Variants in MUC5AC observed in about 807,000 individuals in gnomAD.
MUC5AC encodes the protein mucin-5AC.
In MUC5AC, 158 loss-of-function variants were observed where a neutral mutation model predicts 169.7. The ratio of observed to expected loss-of-function variants is 0.93; its 90% CI spans 0.82 to 1.06. The LOEUF is 1.06. MUC5AC is among the 50% of genes least tolerant of loss of function. The pLI is 0.00. For synonymous variants in MUC5AC, 1,975 were observed against 1,237.0 expected (o/e 1.60, Z -12.52); for missense variants, 4,359 against 3,089.9 (o/e 1.41, Z -9.74).
chr11:1,175,508 C>T (rs1860648260), intron 19 of MUC5AC, among the ~76,000 whole-genome samples: 1 of 151,112 alleles, frequency 6.6e-6, no homozygotes, highest in African/African-American at 2.4e-5. Context: ...CCCACTCATG[C>T]ACACGCTGAC....
At position 1,167,993 on chromosome 11, in the gene MUC5AC, T is replaced by TG. The variant is rs1372992921; in HGVS notation, c.1497+8dup. 6 of 1,549,340 alleles carry TG rather than the reference T, an allele frequency of 3.9e-6. No homozygotes were observed. In the African/African-American group the frequency reaches 8.2e-5, roughly 21 times the overall value. ...GCCTGGATGGGGCGCAGACGGTGAG[T>TG]GGAGCCTGGCAGGGCAAACCCCGGG... On this transcript the variant is annotated splice_region_variant and intron_variant, in intron 12 of 48. Transcript: ENST00000621226.
At chr11:1,171,473 TCACC>T (rs1860532100) in intron 15 of MUC5AC, among the ~76,000 whole-genome samples, 48 of 55,380 alleles carry the variant, frequency 8.7e-4, no homozygotes, top group African/African-American at 3.3e-3. Flanking sequence ...ACCCCCTCAC[TCACC>T]CACTCACCCA....
chr11:1,199,973 C>T lies in MUC5AC; in HGVS notation c.16700+4C>T, dbSNP rs571500092. On this transcript the variant is annotated splice_donor_region_variant and intron_variant, in intron 48 of 48. Transcript: ENST00000621226. ...ACTGTGGGGACAGCTCTTCCATGTA[C>T]GTGCCTGGGCAGCAGGCAGGGAGAC... The T allele has an allele frequency of 1.5e-5, 11 of 757,926 alleles. No homozygotes were observed. Among genetic ancestry groups the T allele is most frequent in the Non-Finnish European group, 1.9e-5 (8 of 414,840 alleles). The allele number at this position is 757,926 out of a possible 1,614,324, so 47.0% of individuals were successfully genotyped here. A position where few individuals can be genotyped will look rare whatever the true frequency, so the allele number is the denominator to read the frequency against.
At position 1,196,375 on chromosome 11, in the gene MUC5AC, C is replaced by T. The variant is rs753141514; in HGVS notation, c.15638-13C>T. ...CCTCCCACCCTCTCAGGTGTGGCTT[C>T]CCCTCCCCACAGCATTCACCTGCCC... On this transcript the variant is annotated splice_polypyrimidine_tract_variant and intron_variant, in intron 37 of 48. Transcript: ENST00000621226. The T allele has an allele frequency of 2.3e-4, 177 of 763,990 alleles. No homozygotes were observed. Among genetic ancestry groups the T allele is most frequent in the Middle Eastern group, 2.3e-4 (1 of 4,430 alleles). The allele number at this position is 763,990 out of a possible 1,614,324, so 47.3% of individuals were successfully genotyped here.
intron 43 of MUC5AC, among the ~76,000 whole-genome samples, chr11:1,198,529 C>G (rs886774914): frequency 3.3e-5 from 5 of 151,284 alleles, no homozygotes; most frequent in African/African-American, 1.2e-4. Flanking sequence ...CGGGGGGCTC[C>G]GGGGGACTTT....
At chr11:1,160,375 C>T (rs377196879) in intron 1 of MUC5AC, among the ~76,000 whole-genome samples, 196 of 152,166 alleles carry the variant, frequency 1.3e-3, no homozygotes, top group South Asian at 5.0e-3. Flanking sequence ...ACGCCACCTG[C>T]TCCATGGGGC....
intron 11 of MUC5AC, 63 bp from the exon 12 acceptor site, chr11:1,167,814 C>G (rs923459860): frequency 2.2e-6 from 3 of 1,389,660 alleles, no homozygotes; most frequent in African/African-American, 2.9e-5. Context: ...GGTGGACTGG[C>G]AGGGCCAGGT....
intron 11 of MUC5AC, among the ~76,000 whole-genome samples, chr11:1,166,079 G>A (rs1027713947): frequency 1.3e-5 from 2 of 152,130 alleles, no homozygotes; most frequent in East Asian, 3.8e-4. Context: ...TGAGCACAAA[G>A]TACTCCTGCC....
At position 1,199,687 on chromosome 11, in the gene MUC5AC, C is replaced by T. The variant is rs575382538; in HGVS notation, c.16516-8C>T. ...CTCGGCACTGAGGGCGCCCCTCTGT[C>T]GGCACAGGACGAGGCCCGCATGAGC... On this transcript the variant is annotated splice_polypyrimidine_tract_variant and splice_region_variant and intron_variant, in intron 46 of 48. Coordinates refer to ENST00000621226, the MANE Select transcript of MUC5AC (RefSeq NM_001304359.2). The T allele has an allele frequency of 4.6e-4, 325 of 706,618 alleles. 3 individuals are homozygous for T. The highest frequency in any genetic ancestry group is 3.1e-3 in the Middle Eastern group (13 of 4,152). The allele number at this position is 706,618 out of a possible 1,614,324, so 43.8% of individuals were successfully genotyped here. A position where few individuals can be genotyped will look rare whatever the true frequency, so the allele number is the denominator to read the frequency against.
rs1451311031 is a variant in MUC5AC, at chr11:1,174,364, C to T, written c.1966-132C>T. On this transcript the variant is annotated intron_variant, in intron 16 of 48. Coordinates refer to ENST00000621226, the MANE Select transcript of MUC5AC (RefSeq NM_001304359.2). ...GGGGCAGGATGCCTGTGAGGACTCA[C>T]AGAGGGGTCCTGGGGGCAGGAAGAC... 10 of 582,706 alleles carry T rather than the reference C, an allele frequency of 1.7e-5. No individual in the cohort carries two copies. The Admixed American group carries it at 1.8e-4, about 11-fold the overall frequency. 36.1% of individuals were successfully genotyped at this position (582,706 alleles called of 1,614,324 possible). A position where few individuals can be genotyped will look rare whatever the true frequency, so the allele number is the denominator to read the frequency against.
chr11:1,169,666 A>G (rs1275897417), intron 15 of MUC5AC, among the ~76,000 whole-genome samples: 2 of 126,952 alleles, frequency 1.6e-5, no homozygotes. Context: ...TCACCCACTC[A>G]CCCACTCACT....
Position 1,178,658 on chromosome 11 carries a change from C to T in MUC5AC, c.3302C>T (p.Pro1101Leu). ...AQKQCSILHG[P>L]TFAACHAHVE... ...AAGCAGTGCAGCATCCTCCACGGCC[C>T]CACCTTCGCCGCCTGCCACGCACAC... Residue 1101 changes from proline (P) to leucine (L), a missense_variant, in exon 25 of 49, where the codon CCC (proline) becomes CTC (leucine). Transcript: ENST00000621226. The T allele has an allele frequency of 7.5e-7, 1 of 1,329,418 alleles. No individual in the cohort carries two copies. The highest frequency in any genetic ancestry group is 9.7e-7 in the Non-Finnish European group (1 of 1,031,818). 82.4% of individuals were successfully genotyped at this position (1,329,418 alleles called of 1,614,324 possible). A position where few individuals can be genotyped will look rare whatever the true frequency, so the allele number is the denominator to read the frequency against.
intron 16 of MUC5AC, among the ~76,000 whole-genome samples, 195 bp downstream of exon 16, chr11:1,172,718 T>C (rs1239100804): frequency 6.7e-6 from 1 of 148,468 alleles, no homozygotes; most frequent in Admixed American, 6.7e-5. Flanking sequence ...CATTCACTCA[T>C]TCACACATTC....
In MUC5AC at chr11:1,198,912, C is replaced by A; in HGVS notation, c.16212C>A (p.Cys5404Ter). The change falls in exon 44 of 49, where the codon TGC (cysteine) becomes TGA (stop). Residue 5404 changes from cysteine to a stop codon, truncating the protein, a stop_gained. Transcript: ENST00000621226. LOFTEE classifies it high-confidence loss of function. Reference sequence around the variant, plus strand: ...TCTCCTCGAGCCTGTGCGAAACCTGCAGGTGTGAGCTGCCGGGTGGCCCCC... The same window carrying A: ...TCTCCTCGAGCCTGTGCGAAACCTGAAGGTGTGAGCTGCCGGGTGGCCCCC... ...AVVSSSLCET[C>*]RCELPGGPPS... 1.3e-6 allele frequency: 1 copy of A among 759,096 alleles called. No homozygotes were observed. Among genetic ancestry groups the A allele is most frequent in the Non-Finnish European group, 2.4e-6 (1 of 415,490 alleles). The allele number at this position is 759,096 out of a possible 1,614,324, so 47.0% of individuals were successfully genotyped here. A position where few individuals can be genotyped will look rare whatever the true frequency, so the allele number is the denominator to read the frequency against.
Position 1,164,190 on chromosome 11 carries a change from A to C in MUC5AC, c.874A>C (p.Arg292=). The C allele has an allele frequency of 8.1e-6, 13 of 1,612,584 alleles. No homozygotes were observed. Among genetic ancestry groups the C allele is most frequent in the Non-Finnish European group, 1.1e-5 (13 of 1,179,862 alleles). ...CGTCGGCAGCTACCTGGAGGCTTGCAGGCAAGACCTCTGCTTCTGTGAAGA... is the reference window on the plus strand; with the variant it reads ...CGTCGGCAGCTACCTGGAGGCTTGCCGGCAAGACCTCTGCTTCTGTGAAGA... ...VDVGSYLEAC[R]QDLCFCEDTD... The change falls in exon 8 of 49, where the codon AGG becomes CGG. Residue 292 remains arginine (R), a synonymous_variant. Coordinates refer to ENST00000621226, the MANE Select transcript of MUC5AC (RefSeq NM_001304359.2).
intron 1 of MUC5AC, 48 bp from the exon 2 acceptor site, chr11:1,160,564 C>G: frequency 6.5e-7 from 1 of 1,533,724 alleles, no homozygotes; most frequent in Non-Finnish European, 8.9e-7. Flanking sequence ...AGCCTGAGCC[C>G]CCTCAGCCAC....
Position 1,194,532 on chromosome 11 carries a change from G to A in MUC5AC, c.15052G>A (p.Gly5018Ser), listed in dbSNP as rs752217127. ...KVVSPGFRKN[G>S]IVVSRIGVKM... ...GGTCAGCCCCGGCTTCCGGAAAAAC[G>A]GCATCGTGGTCTCGCGCATCGGCGT... The change falls in exon 35 of 49, where the codon GGC becomes AGC. Residue 5018 changes from glycine (G) to serine (S), a missense_variant. Physicochemically the swap from Gly to Ser is moderately conservative, Grantham distance 56 (BLOSUM62 0). Coordinates refer to ENST00000621226, the MANE Select transcript of MUC5AC (RefSeq NM_001304359.2). 27 of 763,386 alleles carry A rather than the reference G, an allele frequency of 3.5e-5. No individual in the cohort carries two copies. The highest frequency in any genetic ancestry group is 2.5e-4 in the African/African-American group (15 of 59,228). 47.3% of individuals were successfully genotyped at this position (763,386 alleles called of 1,614,324 possible).
chr11:1,165,121 G>A (rs532848423), intron 9 of MUC5AC, among the ~76,000 whole-genome samples, 181 bp from the exon 10 acceptor site: 4 of 145,030 alleles, frequency 2.8e-5, no homozygotes, highest in Admixed American at 1.4e-4. Flanking sequence ...CCCCTGTCCC[G>A]GGCCCCTGAG....
At position 1,186,931 on chromosome 11, in the gene MUC5AC, C is replaced by T; in HGVS notation, c.8786C>T (p.Thr2929Ile). ...APTSSTTSATTTSTISVPTTS... is the reference protein window; with the variant it reads ...APTSSTTSATITSTISVPTTS... ...ACAAGCAGCACAACCTCAGCTACTA[C>T]AACCAGCACAATCTCTGTTCCTACA... The change falls in exon 31 of 49, where the codon ACA (threonine) becomes ATA (isoleucine). Residue 2929 changes from threonine (T) to isoleucine (I), a missense_variant. By Grantham distance (89) the Thr-to-Ile change is moderately conservative (BLOSUM62 -1). Transcript: ENST00000621226. 1.4e-6 allele frequency: 1 copy of T among 724,278 alleles called. No homozygotes were observed. The highest frequency in any genetic ancestry group is 2.5e-6 in the Non-Finnish European group (1 of 397,314). The allele number at this position is 724,278 out of a possible 1,614,324, so 44.9% of individuals were successfully genotyped here.
Sources: gnomAD v4.1 joint callset for allele counts (sites outside exome capture counted in the v4.1 genomes callset) on GRCh38, gnomAD v4.1.1 for gene constraint, MANE v1.5 for transcripts, NCBI Gene and HGNC (gene_info 2026-07-23, HGNC 2026-07-21) for gene names.